The following BEND2 variants were observed in gnomAD, a reference collection of about 807,000 sequenced individuals.
The protein encoded by BEND2 is BEN domain containing 2, also known as BEN domain-containing protein 2.
In BEND2, 19 loss-of-function variants were observed where a neutral mutation model predicts 43.8. The observed-to-expected ratio is 0.43, with a 90% CI of 0.30 to 0.64. BEND2 has a LOEUF of 0.64. Among genes scored for constraint, BEND2 ranks in the 30% least tolerant of loss-of-function variants. BEND2 has a pLI of 0.11. For missense variants in BEND2, 544 were observed against 574.0 expected (o/e 0.95, Z 0.53); for synonymous variants, 226 against 210.1 (o/e 1.08, Z -0.66).
chrX:18,211,127 G>C (rs778318064), intron 4 of BEND2, among the ~76,000 whole-genome samples: 1 of 111,530 alleles, frequency 9.0e-6, no homozygotes, highest in East Asian at 2.8e-4. Context: ...AAAATATTGA[G>C]GCTGATAGAA....
At chrX:18,212,824 C>G (rs1283675422) in intron 3 of BEND2, 144 bp from the exon 4 acceptor site, 3 of 398,411 alleles carry the variant, frequency 7.5e-6, no homozygotes, top group Non-Finnish European at 1.3e-5. Flanking sequence ...CTTCCATGAC[C>G]AATTTAGAGT....
At chrX:18,177,025 T>C (rs2147394400) in intron 10 of BEND2, among the ~76,000 whole-genome samples, 1 of 110,985 alleles carries the variant, frequency 9.0e-6, no homozygotes, top group Admixed American at 9.6e-5. Flanking sequence ...TCCATCAACA[T>C]GTCCCTTTCT....
rs777777203 is a variant in BEND2, at chrX:18,167,945, G to A, written c.2186-2722C>T. 4.4e-5 allele frequency among the ~76,000 whole-genome samples: 5 copies of A among 112,642 alleles called. No homozygotes were observed. The South Asian group carries it at 1.1e-3, about 25-fold the overall frequency. On this transcript the variant is annotated intron_variant, in intron 13 of 13. Coordinates refer to ENST00000380033, the MANE Select transcript of BEND2 (RefSeq NM_153346.5). ...TAGGTTGTACTATTGTATCCTGGGT[G>A]TATTTAAGCACATCTGAAGGTAGTC...
chrX:18,196,281 A>G (rs1924948027), intron 6 of BEND2, among the ~76,000 whole-genome samples: 1 of 107,916 alleles, frequency 9.3e-6, no homozygotes, highest in South Asian at 4.4e-4. Flanking sequence ...CCTGGATGAC[A>G]GAGCGAGACT....
chrX:18,210,108 A>G (rs1925459025), intron 4 of BEND2, among the ~76,000 whole-genome samples: 1 of 110,257 alleles, frequency 9.1e-6, no homozygotes, highest in South Asian at 3.9e-4. Flanking sequence ...AAAATGCTTC[A>G]GAGCTCATTG....
intron 4 of BEND2, among the ~76,000 whole-genome samples, chrX:18,206,963 G>A (rs1322144690): frequency 8.9e-6 from 1 of 111,958 alleles, no homozygotes; most frequent in African/African-American, 3.2e-5. Flanking sequence ...TAGGAGCAAT[G>A]GAGAGGAGCC....
intron 6 of BEND2, among the ~76,000 whole-genome samples, chrX:18,196,301 GAA>G (rs1203100598): frequency 4.8e-5 from 4 of 83,724 alleles, no homozygotes; most frequent in Non-Finnish European, 7.1e-5. Context: ...TGTCTCAATT[GAA>G]AAAAAAAAAA....
intron 8 of BEND2, among the ~76,000 whole-genome samples, chrX:18,183,042 C>CAAAAAAA (rs56812732): frequency 2.5e-5 from 1 of 40,786 alleles, no homozygotes; most frequent in African/African-American, 1.1e-4. Flanking sequence ...ACTCTGTCTC[C>CAAAAAAA]AAAAAAAAAA....
At chrX:18,194,562 T>G (rs1431354894) in intron 7 of BEND2, among the ~76,000 whole-genome samples, 2 of 110,511 alleles carry the variant, frequency 1.8e-5, no homozygotes, top group Non-Finnish European at 3.8e-5. Flanking sequence ...AGACAAAAAA[T>G]AAAAATAAAA....
chrX:18,214,961 CAT>C (rs1300684478), intron 2 of BEND2, among the ~76,000 whole-genome samples: 3 of 110,227 alleles, frequency 2.7e-5, no homozygotes, highest in Admixed American at 9.7e-5. Context: ...TTATCTTACT[CAT>C]ATATTTTTAA....
intron 13 of BEND2, among the ~76,000 whole-genome samples, chrX:18,166,651 C>G (rs749276585): frequency 5.4e-5 from 6 of 110,996 alleles, no homozygotes; most frequent in Non-Finnish European, 1.1e-4. Context: ...GGCGCAGTGG[C>G]CAGGACGAAC....
chrX:18,188,938 C>T (rs1023715033), intron 8 of BEND2, among the ~76,000 whole-genome samples: 3 of 112,101 alleles, frequency 2.7e-5, no homozygotes, highest in Admixed American at 9.4e-5. Flanking sequence ...CAGTGGCTCA[C>T]GCCTGTAATC....
At chrX:18,201,340 G>A (rs1234838435) in intron 6 of BEND2, among the ~76,000 whole-genome samples, 11 of 81,537 alleles carry the variant, frequency 1.3e-4, no homozygotes, top group Admixed American at 1.7e-4. Flanking sequence ...AGGTTGCAGT[G>A]AGCCGAGATC....
At chrX:18,176,816 C>T (rs1453955515) in intron 10 of BEND2, among the ~76,000 whole-genome samples, 1 of 111,291 alleles carries the variant, frequency 9.0e-6, no homozygotes, top group Non-Finnish European at 1.9e-5. Context: ...CATGATTACA[C>T]CAGGGGCTCA....
chrX:18,169,038 G>T (rs1923896254), intron 13 of BEND2, among the ~76,000 whole-genome samples: 1 of 110,604 alleles, frequency 9.0e-6, no homozygotes, highest in Non-Finnish European at 1.9e-5. Context: ...GCCAAGATCG[G>T]AGGATTGCTT....
chrX:18,182,842 G>A (rs745914738), intron 8 of BEND2, among the ~76,000 whole-genome samples: 2 of 110,334 alleles, frequency 1.8e-5, no homozygotes, highest in East Asian at 2.9e-4. Context: ...AGGAGTTAGA[G>A]ACCAGCCTGG....
intron 3 of BEND2, 51 bp from the exon 4 acceptor site, chrX:18,212,731 C>A: frequency 1.3e-6 from 1 of 791,715 alleles, no homozygotes; most frequent in African/African-American, 2.0e-5. Flanking sequence ...CTCTTAATAA[C>A]CTTAATACGG....
chrX:18,196,073 C>T (rs1291192464), intron 6 of BEND2, among the ~76,000 whole-genome samples: 3 of 111,060 alleles, frequency 2.7e-5, no homozygotes, highest in East Asian at 2.8e-4. Context: ...CCGAGGTGGG[C>T]GGATCCCCTG....
chrX:18,198,371 C>G (rs1235764538), intron 6 of BEND2, among the ~76,000 whole-genome samples: 1 of 110,475 alleles, frequency 9.1e-6, no homozygotes, highest in Non-Finnish European at 1.9e-5. Flanking sequence ...AAACAAACAA[C>G]CCCATCAAAA....
Sources: gnomAD v4.1 joint callset for allele counts (sites outside exome capture counted in the v4.1 genomes callset) on GRCh38, gnomAD v4.1.1 for gene constraint, MANE v1.5 for transcripts, NCBI Gene and HGNC (gene_info 2026-07-23, HGNC 2026-07-21) for gene names.